The following ANO4 variants were observed in gnomAD, a reference collection of about 807,000 sequenced individuals.
ANO4 encodes anoctamin 4, also known as anoctamin-4.
ANO4 carries 69 observed loss-of-function variants against 141.9 expected under a neutral mutation model. That is an observed-to-expected ratio of 0.49 (90% CI 0.40 to 0.59). The LOEUF is 0.59. ANO4 is among the 20% of genes least tolerant of loss of function. The pLI is 0.00. For missense variants in ANO4, 894 were observed against 1,162.2 expected (o/e 0.77, Z 3.36); for synonymous variants, 350 against 394.3 (o/e 0.89, Z 1.33).
chr12:100,816,109 T>C (rs1752811538), intron 1 of ANO4, among the ~76,000 whole-genome samples: 1 of 152,108 alleles, frequency 6.6e-6, no homozygotes, highest in Admixed American at 6.6e-5. Context: ...TATATAACTA[T>C]CGTAGTACTG....
At chr12:100,787,683 T>C (rs1286126744) in intron 3 of ANO4, among the ~76,000 whole-genome samples, 3 of 152,030 alleles carry the variant, frequency 2.0e-5, no homozygotes, top group Admixed American at 2.0e-4. Context: ...AAGAAAGAAA[T>C]GTTCAGGAGG....
At chr12:101,110,680 C>A in intron 23 of ANO4, 124 bp downstream of exon 23, 1 of 858,390 alleles carries the variant, frequency 1.2e-6, no homozygotes, top group Non-Finnish European at 1.6e-6. Context: ...CTAATTTTTG[C>A]AAAGAATAAT....
chr12:100,909,796 G>A (rs967302191), intron 2 of ANO4, among the ~76,000 whole-genome samples: 2 of 152,068 alleles, frequency 1.3e-5, no homozygotes, highest in African/African-American at 4.8e-5. Flanking sequence ...GTCACCTGAT[G>A]GCTATTACAG....
chr12:100,912,652 T>C (rs376732792), intron 2 of ANO4, among the ~76,000 whole-genome samples: 11 of 152,206 alleles, frequency 7.2e-5, no homozygotes, highest in African/African-American at 1.7e-4. Flanking sequence ...TCCCCTTTTC[T>C]GAAAATAGAC....
intron 11 of ANO4, among the ~76,000 whole-genome samples, chr12:101,041,573 T>C (rs1291899045): frequency 1.3e-5 from 2 of 152,246 alleles, no homozygotes; most frequent in African/African-American, 4.8e-5. Flanking sequence ...CTGTCTATTG[T>C]GTATCTAGTA....
At chr12:100,808,928 T>C (rs1427185518) in intron 1 of ANO4, among the ~76,000 whole-genome samples, 1 of 152,216 alleles carries the variant, frequency 6.6e-6, no homozygotes, top group African/African-American at 2.4e-5. Flanking sequence ...TGCAAAGTGT[T>C]CCATATCATT....
chr12:100,971,099 A>G (rs982846345), intron 5 of ANO4, among the ~76,000 whole-genome samples: 2 of 152,206 alleles, frequency 1.3e-5, no homozygotes, highest in African/African-American at 4.8e-5. Context: ...CCTTGTTTAC[A>G]GCTGGGTCTC....
At chr12:100,729,360 CAAAAAAAAAAAAA>C (rs1156522144) in intron 1 of ANO4, among the ~76,000 whole-genome samples, 5 of 22,568 alleles carry the variant, frequency 2.2e-4, no homozygotes, top group African/African-American at 2.6e-4. Flanking sequence ...AACTCTGTCT[CAAAAAAAAAAAAA>C]AAAAAAAAAA....
chr12:101,094,347 T>C (rs1451006318), intron 18 of ANO4, 55 bp downstream of exon 18: 7 of 1,403,772 alleles, frequency 5.0e-6, no homozygotes, highest in Non-Finnish European at 6.9e-6. Context: ...GAGAGTATGG[T>C]TCAAAGATTC....
At chr12:100,752,891 A>G (rs1048994154) in intron 3 of ANO4, among the ~76,000 whole-genome samples, 3 of 152,144 alleles carry the variant, frequency 2.0e-5, no homozygotes, top group Non-Finnish European at 4.4e-5. Flanking sequence ...TTAAGCATTT[A>G]CTCGTTTATC....
intron 22 of ANO4, among the ~76,000 whole-genome samples, chr12:101,107,864 A>G (rs1181666375): frequency 6.6e-6 from 1 of 152,146 alleles, no homozygotes; most frequent in Non-Finnish European, 1.5e-5. Flanking sequence ...AGAAAATCAG[A>G]GTCTGAACTC....
At chr12:100,718,334 G>A (rs1212370963) in intron 1 of ANO4, among the ~76,000 whole-genome samples, 2 of 152,122 alleles carry the variant, frequency 1.3e-5, no homozygotes, top group African/African-American at 4.8e-5. Context: ...ATACTGCTGA[G>A]ACTTGGTTAT....
intron 14 of ANO4, among the ~76,000 whole-genome samples, chr12:101,075,767 A>G (rs905953509): frequency 3.3e-5 from 5 of 149,778 alleles, no homozygotes; most frequent in Admixed American, 6.7e-5. Context: ...TATAGCATAA[A>G]CCACCTTTGA....
intron 10 of ANO4, chr12:101,038,914 A>G (rs1297724831): frequency 2.0e-5 from 3 of 152,030 alleles, no homozygotes; most frequent in Non-Finnish European, 2.9e-5. Flanking sequence ...GTCTCTAGCA[A>G]AAATAAATAA....
intron 22 of ANO4, among the ~76,000 whole-genome samples, chr12:101,104,087 T>G: frequency 6.6e-6 from 1 of 152,086 alleles, no homozygotes; most frequent in African/African-American, 2.4e-5. Context: ...TGATGCCCTT[T>G]CTTTCACTTA....
intron 5 of ANO4, among the ~76,000 whole-genome samples, chr12:100,948,493 TA>T (rs1348422729): frequency 3.9e-5 from 6 of 152,212 alleles, no homozygotes; most frequent in African/African-American, 1.4e-4. Context: ...TTAAATTTCA[TA>T]TTATTGTTTT....
chr12:101,095,257 A>G (rs2049935150), intron 18 of ANO4, among the ~76,000 whole-genome samples: 1 of 151,214 alleles, frequency 6.6e-6, no homozygotes, highest in Non-Finnish European at 1.5e-5. Flanking sequence ...ATGTCATTGA[A>G]ATCTTCCATC....
Position 100,989,216 on chromosome 12 carries a change from A to C in ANO4, c.734+1546A>C, listed in dbSNP as rs2044922757. Among the ~76,000 whole-genome samples the C allele has an allele frequency of 2.0e-5, 3 of 152,230 alleles. No individual in the cohort carries two copies. In the South Asian group the frequency reaches 6.2e-4, roughly 32 times the overall value. On this transcript the variant is annotated intron_variant, in intron 8 of 27. Coordinates refer to ENST00000392977, the MANE Select transcript of ANO4 (RefSeq NM_001286615.2). ...AACATGGAATTCACAGACTGGCCTC[A>C]AAATCTTAGTTCGATCCTCAAGAGA...
chr12:100,733,536 C>T (rs1304540833), intron 1 of ANO4, among the ~76,000 whole-genome samples: 1 of 152,178 alleles, frequency 6.6e-6, no homozygotes, highest in Non-Finnish European at 1.5e-5. Flanking sequence ...TGACATGAAA[C>T]TGCAATTGCC....
Sources: gnomAD v4.1 joint callset for allele counts (sites outside exome capture counted in the v4.1 genomes callset) on GRCh38, gnomAD v4.1.1 for gene constraint, MANE v1.5 for transcripts, NCBI Gene and HGNC (gene_info 2026-07-23, HGNC 2026-07-21) for gene names.